The following KLF8 variants were observed in gnomAD, a reference collection of about 807,000 sequenced individuals.
KLF8 encodes the protein Krueppel-like factor 8.
Under a neutral mutation model 18.2 loss-of-function variants are expected in KLF8, and 10 were observed. The observed-to-expected ratio is 0.55, with a 90% CI of 0.34 to 0.93. The LOEUF (loss-of-function observed/expected upper bound fraction) is 0.93, where lower values mean the gene tolerates loss of function less well. Ranked by LOEUF, KLF8 falls within the 40% of genes least tolerant of loss-of-function variation. The probability of loss-of-function intolerance (pLI) is 0.02; values close to 1 mark genes in which losing one functional copy is unlikely to be tolerated. For missense variants in KLF8, 264 were observed against 277.9 expected (o/e 0.95, Z 0.36); for synonymous variants, 109 against 97.3 (o/e 1.12, Z -0.71).
the KLF8 span, among the ~76,000 whole-genome samples, chrX:56,206,608 G>A: frequency 8.9e-6 from 1 of 112,543 alleles, no homozygotes; most frequent in African/African-American, 3.2e-5. Context: ...GACTCTCATG[G>A]CCTTGGGCAT....
chrX:55,967,750 A>T, the KLF8 span, among the ~76,000 whole-genome samples: 1 of 111,955 alleles, frequency 8.9e-6, no homozygotes, highest in Non-Finnish European at 1.9e-5. Flanking sequence ...TGTAAACTAC[A>T]CTTACCTTAA....
Position 56,288,474 on chromosome X carries a change from TC to T in KLF8, c.*3981del, listed in dbSNP as rs1412771013. On this transcript the variant is annotated 3_prime_UTR_variant, in exon 6 of 6. Transcript: ENST00000468660. ...GGACCACGGAGAAGAAGTGCCATTT[TC>T]ATCACATCATACAGGCATACTTTGG... Among the ~76,000 whole-genome samples, 2 of 111,052 alleles carry T rather than the reference TC, an allele frequency of 1.8e-5. No individual in the cohort carries two copies.
At chrX:56,159,169 G>A in the KLF8 span, among the ~76,000 whole-genome samples, 1 of 112,019 alleles carries the variant, frequency 8.9e-6, no homozygotes, top group African/African-American at 3.2e-5. Flanking sequence ...CATTGTTTCT[G>A]TTTATATGCT....
chrX:55,969,827 G>T, the KLF8 span, among the ~76,000 whole-genome samples: 1 of 111,339 alleles, frequency 9.0e-6, no homozygotes, highest in African/African-American at 3.3e-5. Flanking sequence ...CCAATAAATT[G>T]TAAAATCTAT....
the KLF8 span, among the ~76,000 whole-genome samples, chrX:56,081,884 A>G: frequency 5.4e-5 from 6 of 111,950 alleles, no homozygotes; most frequent in Non-Finnish European, 1.1e-4. Context: ...GGATTTTTGC[A>G]TCAACATTCA....
the KLF8 span, among the ~76,000 whole-genome samples, chrX:56,073,759 T>TC: frequency 1.7e-4 from 19 of 109,118 alleles, no homozygotes; most frequent in Non-Finnish European, 3.5e-4. Context: ...TTTTTTTTTT[T>TC]TTTTGGAAAG....
At chrX:55,987,354 C>T in the KLF8 span, among the ~76,000 whole-genome samples, 1 of 110,385 alleles carries the variant, frequency 9.1e-6, no homozygotes, top group Non-Finnish European at 1.9e-5. Flanking sequence ...TCCCCCCTCC[C>T]CCAACCCCAC....
the KLF8 span, among the ~76,000 whole-genome samples, chrX:56,069,904 T>C: frequency 8.9e-6 from 1 of 112,533 alleles, no homozygotes; most frequent in Non-Finnish European, 1.9e-5. Context: ...TTGCTGGGTA[T>C]ATACCCAAAG....
intron 5 of KLF8, among the ~76,000 whole-genome samples, chrX:56,272,299 C>A (rs2144119): frequency 9.1e-6 from 1 of 109,338 alleles, no homozygotes; most frequent in African/African-American, 3.3e-5. Context: ...CAACCTCTGC[C>A]TCCTGGGTTC....
At chrX:55,909,114 C>T in the KLF8 span, among the ~76,000 whole-genome samples, 3 of 111,957 alleles carry the variant, frequency 2.7e-5, no homozygotes, top group Admixed American at 9.4e-5. Flanking sequence ...TATCAGGTTG[C>T]CTGAAGCCTC....
chrX:56,097,077 A>C, the KLF8 span, among the ~76,000 whole-genome samples: 1 of 111,816 alleles, frequency 8.9e-6, no homozygotes, highest in South Asian at 3.7e-4. Flanking sequence ...AATCAGGTTC[A>C]ACCATGTACA....
At chrX:55,985,956 G>A in the KLF8 span, among the ~76,000 whole-genome samples, 1 of 110,780 alleles carries the variant, frequency 9.0e-6, no homozygotes, top group Non-Finnish European at 1.9e-5. Context: ...GTATAGCAGT[G>A]GTAGTGATTT....
At chrX:55,961,469 C>T in the KLF8 span, 4 of 549,640 alleles carry the variant, frequency 7.3e-6, no homozygotes, top group South Asian at 9.0e-5. Flanking sequence ...CAGATTGCCA[C>T]AAAAAATTTG....
At chrX:56,154,458 A>T in the KLF8 span, among the ~76,000 whole-genome samples, 5 of 111,972 alleles carry the variant, frequency 4.5e-5, no homozygotes, top group Admixed American at 4.8e-4. Flanking sequence ...TTAATTCAAG[A>T]TGGATGAAAG....
the KLF8 span, among the ~76,000 whole-genome samples, chrX:56,158,769 G>T: frequency 8.9e-6 from 1 of 112,081 alleles, no homozygotes; most frequent in East Asian, 2.8e-4. Context: ...TTGCCTATCA[G>T]CTTAAGGAGA....
At chrX:56,141,217 T>C in the KLF8 span, among the ~76,000 whole-genome samples, 95 of 112,207 alleles carry the variant, frequency 8.5e-4, no homozygotes, top group African/African-American at 2.9e-3. Flanking sequence ...TCCGCTTTCC[T>C]TGGCCTCCCA....
chrX:56,176,708 G>A, the KLF8 span, among the ~76,000 whole-genome samples: 41 of 111,175 alleles, frequency 3.7e-4, no homozygotes, highest in Admixed American at 3.5e-3. Flanking sequence ...TTTCCAACTT[G>A]GTTCCATTCT....
chrX:55,983,675 T>A, the KLF8 span, among the ~76,000 whole-genome samples: 1 of 111,817 alleles, frequency 8.9e-6, no homozygotes, highest in African/African-American at 3.2e-5. Flanking sequence ...TTTGGTTACA[T>A]GCATTAATTA....
chrX:56,201,867 C>A, the KLF8 span, among the ~76,000 whole-genome samples: 1 of 111,664 alleles, frequency 9.0e-6, no homozygotes, highest in African/African-American at 3.2e-5. Flanking sequence ...TCAACAAATT[C>A]TTGTTTTCCT....
Sources: allele counts gnomAD v4.1 joint callset (sites outside exome capture counted in the v4.1 genomes callset), GRCh38; gene constraint gnomAD v4.1.1; transcripts MANE v1.5; gene names NCBI Gene and HGNC (gene_info 2026-07-23, HGNC 2026-07-21).